UNC13C: variants seen among roughly 807,000 people sequenced by gnomAD.
UNC13C encodes protein unc-13 homolog C.
In UNC13C, 174 loss-of-function variants were observed where a neutral mutation model predicts 245.4. The ratio of observed to expected loss-of-function variants is 0.71; its 90% CI spans 0.63 to 0.80. UNC13C has a LOEUF of 0.80. Among genes scored for constraint, UNC13C ranks in the 30% least tolerant of loss-of-function variants. The pLI is 0.00. For missense variants in UNC13C, 2,829 were observed against 2,602.9 expected (o/e 1.09, Z -1.89); for synonymous variants, 992 against 895.1 (o/e 1.11, Z -1.93).
intron 19 of UNC13C, among the ~76,000 whole-genome samples, chr15:54,457,158 C>A (rs959229105): frequency 1.3e-5 from 2 of 152,016 alleles, no homozygotes; most frequent in Admixed American, 1.3e-4. Flanking sequence ...GTTTTTAATT[C>A]TGTTTATGTG....
At chr15:54,582,848 C>G (rs1172918591) in intron 30 of UNC13C, among the ~76,000 whole-genome samples, 3 of 152,122 alleles carry the variant, frequency 2.0e-5, no homozygotes, top group Non-Finnish European at 4.4e-5. Context: ...ATTTATATTA[C>G]TTAAGTAATG....
chr15:53,985,344 T>C (rs1894091464), intron 1 of UNC13C, among the ~76,000 whole-genome samples: 1 of 151,810 alleles, frequency 6.6e-6, no homozygotes, highest in South Asian at 2.1e-4. Flanking sequence ...TTTTTTTTCT[T>C]GGTTCTTTTT....
At chr15:53,974,017 C>G (rs755648118), upstream of UNC13C, among the ~76,000 whole-genome samples, 11 of 152,150 alleles carry the variant, frequency 7.2e-5, no homozygotes, top group Non-Finnish European at 1.3e-4. Context: ...CCAGTCTTAA[C>G]CACTTACTAG....
In UNC13C at chr15:53,995,848, G is replaced by T. The variant is rs138353482; in HGVS notation, c.-256-16800G>T. 9.2e-4 allele frequency among the ~76,000 whole-genome samples: 140 copies of T among 152,248 alleles called. 4 individuals carry two copies. The East Asian group carries it at 0.026, about 28-fold the overall frequency. ...CAGTAGAGTACTGAGGCTGGAACTG[G>T]ATGGTGAGAGGTTGGAGATGAAAGG... is the stretch of plus-strand genomic sequence containing the variant. On this transcript the variant is annotated intron_variant, in intron 1 of 32. Transcript: ENST00000260323.
At chr15:54,544,120 G>A (rs915324478) in intron 26 of UNC13C, among the ~76,000 whole-genome samples, 1 of 152,116 alleles carries the variant, frequency 6.6e-6, no homozygotes, top group Non-Finnish European at 1.5e-5. Context: ...ATTCACCCCA[G>A]GATCCAAGGC....
intron 15 of UNC13C, 141 bp downstream of exon 15, chr15:54,332,252 C>A: frequency 1.7e-6 from 1 of 602,764 alleles, no homozygotes; most frequent in Non-Finnish European, 2.8e-6. Flanking sequence ...AATAATCCAG[C>A]AGGTCTCCTT....
At chr15:54,416,512 A>G (rs1010342305) in intron 19 of UNC13C, among the ~76,000 whole-genome samples, 3 of 152,134 alleles carry the variant, frequency 2.0e-5, no homozygotes, top group African/African-American at 7.2e-5. Flanking sequence ...TCTACAGTTT[A>G]TTAATGACCC....
chr15:54,077,243 C>G (rs908870353), intron 2 of UNC13C, among the ~76,000 whole-genome samples: 3 of 152,062 alleles, frequency 2.0e-5, no homozygotes, highest in African/African-American at 7.2e-5. Context: ...ATTCTTAATA[C>G]AGATTATTAA....
rs1039045602 is a variant in UNC13C at position 54,205,929 on chromosome 15, A to T, written c.3072-29101A>T. The stretch of plus-strand genomic sequence containing the variant: ...TCTGAGATTTTAGGACTGCCATGGG[A>T]TTACATTCAGCACATCTAAGCACAC... On this transcript the variant is annotated intron_variant, in intron 4 of 32. Coordinates refer to ENST00000260323, the MANE Select transcript of UNC13C (RefSeq NM_001080534.3). Among the ~76,000 whole-genome samples the T allele has an allele frequency of 2.0e-5, 3 of 152,026 alleles. No individual in the cohort carries two copies. In the East Asian group the frequency reaches 5.8e-4, roughly 29 times the overall value.
chr15:54,631,316 A>T (rs1200110138), downstream of UNC13C: 1 of 152,234 alleles, frequency 6.6e-6, no homozygotes, highest in Non-Finnish European at 1.5e-5. Flanking sequence ...ACTGCACTCC[A>T]GCCTGGGCAA....
chr15:53,850,156 C>A, the UNC13C span, among the ~76,000 whole-genome samples: 2 of 151,980 alleles, frequency 1.3e-5, no homozygotes, highest in African/African-American at 4.8e-5. Context: ...TGGCTCACAC[C>A]TCTAATCCTG....
rs1255931562 is a variant in UNC13C at position 54,017,858 on chromosome 15, A to T, written c.2983+1972A>T. ...ACCTGCATATGAGGCCTGGCTATAG[A>T]GGACTCAGACCCCTCCATCCTCTTG... On this transcript the variant is annotated intron_variant, in intron 2 of 32. Coordinates refer to ENST00000260323, the MANE Select transcript of UNC13C (RefSeq NM_001080534.3). Among the ~76,000 whole-genome samples, 3 of 152,166 alleles carry T rather than the reference A, an allele frequency of 2.0e-5. No individual in the cohort carries two copies. The East Asian group carries it at 5.8e-4, about 29-fold the overall frequency.
At chr15:54,448,082 T>C (rs7167030) in intron 19 of UNC13C, among the ~76,000 whole-genome samples, 1 of 152,076 alleles carries the variant, frequency 6.6e-6, no homozygotes, top group Non-Finnish European at 1.5e-5. Flanking sequence ...AGTTGAGCGG[T>C]TTTGAGTGAG....
At chr15:54,008,513 C>T (rs1311772552) in intron 1 of UNC13C, among the ~76,000 whole-genome samples, 13 of 152,114 alleles carry the variant, frequency 8.5e-5, no homozygotes, top group Non-Finnish European at 1.3e-4. Context: ...TTTCCAAAGT[C>T]TTAAATCTTA....
chr15:53,922,875 T>G, the UNC13C span, among the ~76,000 whole-genome samples: 1 of 152,190 alleles, frequency 6.6e-6, no homozygotes, highest in Non-Finnish European at 1.5e-5. Flanking sequence ...GCTGAGAACT[T>G]TTTTGCTCAA....
chr15:54,495,481 A>T, intron 20 of UNC13C, among the ~76,000 whole-genome samples: 1 of 152,114 alleles, frequency 6.6e-6, no homozygotes, highest in Non-Finnish European at 1.5e-5. Flanking sequence ...ACTCCACACA[A>T]TATTTATAGA....
rs183745938 is a variant in UNC13C at position 54,209,748 on chromosome 15, T to A, written c.3072-25282T>A. ...TATAAATGTTTTATGTGTACAAATA[T>A]CTAGAAGGTTCTACCTCTTAATATC... On this transcript the variant is annotated intron_variant, in intron 4 of 32. Coordinates refer to ENST00000260323, the MANE Select transcript of UNC13C (RefSeq NM_001080534.3). Among the ~76,000 whole-genome samples, 473 of 152,244 alleles carry A rather than the reference T, an allele frequency of 3.1e-3. 4 individuals carry two copies. The highest frequency in any genetic ancestry group is 0.011 in the African/African-American group (459 of 41,554).
intron 25 of UNC13C, among the ~76,000 whole-genome samples, chr15:54,532,463 A>G (rs995750688): frequency 3.9e-5 from 6 of 152,210 alleles, no homozygotes; most frequent in African/African-American, 1.2e-4. Context: ...TAAAGAAACT[A>G]TGGTACATAT....
At chr15:54,094,798 G>A (rs1899764590) in intron 2 of UNC13C, among the ~76,000 whole-genome samples, 1 of 152,066 alleles carries the variant, frequency 6.6e-6, no homozygotes, top group Admixed American at 6.6e-5. Flanking sequence ...CTGAGTTTTG[G>A]CAAGTGTTAT....
Sources: gnomAD v4.1 joint callset for allele counts (sites outside exome capture counted in the v4.1 genomes callset) on GRCh38, gnomAD v4.1.1 for gene constraint, MANE v1.5 for transcripts, NCBI Gene and HGNC (gene_info 2026-07-23, HGNC 2026-07-21) for gene names.